TGFA: variants seen among roughly 807,000 people sequenced by gnomAD.
TGFA encodes transforming growth factor alpha, also known as protransforming growth factor alpha.
A neutral mutation model predicts 21.7 loss-of-function variants in TGFA; 12 were observed. The ratio of observed to expected loss-of-function variants is 0.55; its 90% confidence interval spans 0.35 to 0.90. The LOEUF (loss-of-function observed/expected upper bound fraction) is 0.90. Among genes scored for constraint, TGFA ranks in the 40% least tolerant of loss-of-function variants. The pLI is 0.01. For synonymous variants in TGFA, 79 were observed against 88.1 expected, an observed-to-expected ratio of 0.90 and a Z score of 0.58; for missense variants, 178 against 210.8, an observed-to-expected ratio of 0.84 and a Z score of 0.96.
intron 4 of TGFA, among the ~76,000 whole-genome samples, chr2:70,454,444 C>G (rs1670161496): frequency 6.6e-6 from 1 of 152,244 alleles, no homozygotes; most frequent in Non-Finnish European, 1.5e-5. Context: ...GGCACGAGGC[C>G]CTTCTGAGTT....
intron 2 of TGFA, among the ~76,000 whole-genome samples, chr2:70,500,737 C>T (rs1456004406): frequency 6.6e-6 from 1 of 152,190 alleles, no homozygotes; most frequent in Non-Finnish European, 1.5e-5. Flanking sequence ...CCTAGAAGAG[C>T]TGGCCCTGGG....
At chr2:70,481,894 C>A (rs544046789) in intron 2 of TGFA, among the ~76,000 whole-genome samples, 1 of 152,326 alleles carries the variant, frequency 6.6e-6, no homozygotes, top group Admixed American at 6.5e-5. Context: ...CAGTTGCCAT[C>A]TTGACAGCAA....
At chr2:70,484,573 T>C (rs1421461340) in intron 2 of TGFA, among the ~76,000 whole-genome samples, 4 of 152,242 alleles carry the variant, frequency 2.6e-5, no homozygotes, top group Non-Finnish European at 4.4e-5. Flanking sequence ...CAGGTTTACA[T>C]TGGCTTATCA....
chr2:70,468,224 C>G (rs554610443), intron 2 of TGFA: 1 of 152,358 alleles, frequency 6.6e-6, no homozygotes, highest in South Asian at 2.1e-4. Flanking sequence ...CCCTTTAGCC[C>G]TTAATGACAG....
At chr2:70,477,115 T>G (rs1553494586) in intron 2 of TGFA, among the ~76,000 whole-genome samples, 1 of 152,252 alleles carries the variant, frequency 6.6e-6, no homozygotes, top group Admixed American at 6.5e-5. Context: ...TGTTAGTGTT[T>G]TATTCACAGA....
At chr2:70,490,262 T>C (rs1387137585) in intron 2 of TGFA, among the ~76,000 whole-genome samples, 1 of 152,218 alleles carries the variant, frequency 6.6e-6, no homozygotes, top group African/African-American at 2.4e-5. Flanking sequence ...TGTCAATAAA[T>C]GATGCACTTG....
At position 70,448,558 on chromosome 2, in the gene TGFA, A is replaced by G. The variant is rs1669955124; in HGVS notation, c.*2301T>C. 1.3e-5 allele frequency: 2 copies of G among 152,248 alleles called. No homozygotes were observed. The highest frequency in any genetic ancestry group is 2.4e-5 in the African/African-American group (1 of 41,466). 9.4% of individuals were successfully genotyped at this position (152,248 alleles called of 1,614,324 possible). ...CAGCTAACCAAAGACTACCATTGCCATTAAATGGCAGAGGGATCCAATGCT... is the reference window on the plus strand; with the variant it reads ...CAGCTAACCAAAGACTACCATTGCCGTTAAATGGCAGAGGGATCCAATGCT... On this transcript the variant is annotated 3_prime_UTR_variant, in exon 6 of 6. Transcript: ENST00000295400.
At chr2:70,490,594 G>C (rs1358766607) in intron 2 of TGFA, among the ~76,000 whole-genome samples, 1 of 152,186 alleles carries the variant, frequency 6.6e-6, no homozygotes, top group Non-Finnish European at 1.5e-5. Flanking sequence ...CGCTTAGAAA[G>C]GAGGTTTTGT....
chr2:70,469,796 G>GA (rs1559105039), intron 2 of TGFA, among the ~76,000 whole-genome samples: 1 of 152,220 alleles, frequency 6.6e-6, no homozygotes, highest in African/African-American at 2.4e-5. Context: ...TCTAAAGCCT[G>GA]AAATCTGCTG....
intron 2 of TGFA, among the ~76,000 whole-genome samples, chr2:70,512,104 A>C (rs1426463192): frequency 1.3e-5 from 2 of 152,146 alleles, no homozygotes; most frequent in African/African-American, 4.8e-5. Context: ...CCCTAAAGGA[A>C]AGAAAGTTAA....
chr2:70,496,072 T>A (rs1384722940), intron 2 of TGFA, among the ~76,000 whole-genome samples: 1 of 152,154 alleles, frequency 6.6e-6, no homozygotes, highest in Non-Finnish European at 1.5e-5. Context: ...CGTGGAGATC[T>A]CAGCTGAATA....
At chr2:70,482,178 C>G (rs1553495706) in intron 2 of TGFA, among the ~76,000 whole-genome samples, 1 of 151,530 alleles carries the variant, frequency 6.6e-6, no homozygotes, top group Non-Finnish European at 1.5e-5. Context: ...ACAACAACAA[C>G]AAAACACATT....
intron 2 of TGFA, among the ~76,000 whole-genome samples, chr2:70,485,099 C>A (rs1671230014): frequency 1.3e-5 from 2 of 152,170 alleles, no homozygotes; most frequent in Admixed American, 1.3e-4. Flanking sequence ...TATTCACTGC[C>A]CCCAAAGTGA....
intron 5 of TGFA, 23 bp from the exon 6 acceptor site, chr2:70,450,889 T>G (rs1474901238): frequency 6.2e-7 from 1 of 1,604,988 alleles, no homozygotes; most frequent in Non-Finnish European, 8.5e-7. Flanking sequence ...AAAAACAGGT[T>G]AAGCACTGTG....
At chr2:70,476,444 G>A (rs1230241831) in intron 2 of TGFA, among the ~76,000 whole-genome samples, 8 of 152,154 alleles carry the variant, frequency 5.3e-5, no homozygotes, top group East Asian at 1.9e-4. Context: ...GAACAGCCCC[G>A]TTAGAGCCCA....
At chr2:70,474,181 C>T (rs560736838) in intron 2 of TGFA, among the ~76,000 whole-genome samples, 2 of 152,268 alleles carry the variant, frequency 1.3e-5, no homozygotes, top group Non-Finnish European at 2.9e-5. Flanking sequence ...TCTCACCAAA[C>T]ATCAAAAGCA....
intron 2 of TGFA, among the ~76,000 whole-genome samples, chr2:70,496,879 C>T (rs3849387): frequency 6.6e-6 from 1 of 151,936 alleles, no homozygotes; most frequent in African/African-American, 2.4e-5. Context: ...AATAAACAAA[C>T]GAAATCATTA....
At chr2:70,483,925 T>G (rs1173900251) in intron 2 of TGFA, among the ~76,000 whole-genome samples, 1 of 152,228 alleles carries the variant, frequency 6.6e-6, no homozygotes, top group East Asian at 1.9e-4. Context: ...CAGCCACATT[T>G]GGGTTCCTTA....
chr2:70,523,322 T>C (rs782707346), intron 1 of TGFA, among the ~76,000 whole-genome samples: 5 of 152,156 alleles, frequency 3.3e-5, no homozygotes, highest in Non-Finnish European at 5.9e-5. Flanking sequence ...ATTGTGAACG[T>C]TCGTTGTGAA....
Sources: allele counts gnomAD v4.1 joint callset (sites outside exome capture counted in the v4.1 genomes callset), GRCh38; gene constraint gnomAD v4.1.1; transcripts MANE v1.5; gene names NCBI Gene and HGNC (gene_info 2026-07-23, HGNC 2026-07-21).